Variants in CTSS observed in about 807,000 individuals in gnomAD.
The protein encoded by CTSS is cathepsin S.
A neutral mutation model predicts 39.9 loss-of-function variants in CTSS; 15 were observed. The ratio of observed to expected loss-of-function variants is 0.38; its 90% CI spans 0.25 to 0.58. CTSS has a LOEUF of 0.58. Among genes scored for constraint, CTSS ranks in the 20% least tolerant of loss-of-function variants. The pLI is 0.70. For missense variants in CTSS, 250 were observed against 398.2 expected (o/e 0.63, Z 3.17); for synonymous variants, 126 against 138.2 (o/e 0.91, Z 0.62).
At chr1:150,738,614 G>T (rs1652683322) in intron 7 of CTSS, among the ~76,000 whole-genome samples, 1 of 151,172 alleles carries the variant, frequency 6.6e-6, no homozygotes, top group African/African-American at 2.4e-5. Flanking sequence ...CTCCCAAGTA[G>T]CTGGGACCAC....
chr1:150,743,344 A>C (rs937790100), intron 7 of CTSS, among the ~76,000 whole-genome samples: 3 of 151,520 alleles, frequency 2.0e-5, no homozygotes, highest in Non-Finnish European at 1.5e-5. Context: ...GTGGAGGTTT[A>C]GGCTGTTAGG....
At chr1:150,741,886 G>T (rs587728102) in intron 7 of CTSS, among the ~76,000 whole-genome samples, 2 of 58,374 alleles carry the variant, frequency 3.4e-5, no homozygotes, top group Non-Finnish European at 1.2e-4. Flanking sequence ...AAAAAAAAAG[G>T]GGGGGGGAAG....
intron 7 of CTSS, among the ~76,000 whole-genome samples, chr1:150,735,456 G>A (rs1468294741): frequency 6.6e-6 from 1 of 152,052 alleles, no homozygotes; most frequent in Non-Finnish European, 1.5e-5. Flanking sequence ...ATTTTCATGA[G>A]CTCCTTTCTT....
At chr1:150,756,708 C>CTTTTTTTTTTTTTTTTTTT (rs72242218) in intron 3 of CTSS, among the ~76,000 whole-genome samples, 4 of 131,182 alleles carry the variant, frequency 3.0e-5, no homozygotes, top group Non-Finnish European at 6.4e-5. Flanking sequence ...TTCTTTCTTT[C>CTTTTTTTTTTTTTTTTTTT]TTTTTTTTTT....
At chr1:150,762,336 T>C (rs1197163639) in intron 2 of CTSS, among the ~76,000 whole-genome samples, 1 of 151,654 alleles carries the variant, frequency 6.6e-6, no homozygotes, top group Non-Finnish European at 1.5e-5. Flanking sequence ...TATAAGAAAA[T>C]ATAGGGGAAA....
intron 6 of CTSS, 141 bp downstream of exon 6, chr1:150,749,865 G>C (rs1057063556): frequency 1.6e-6 from 1 of 615,212 alleles, no homozygotes; most frequent in Non-Finnish European, 2.7e-6. Flanking sequence ...ATGTTGCTCA[G>C]GCTGGTGTCA....
chr1:150,740,511 C>G (rs1652726770), intron 7 of CTSS, among the ~76,000 whole-genome samples: 1 of 152,152 alleles, frequency 6.6e-6, no homozygotes, highest in South Asian at 2.1e-4. Context: ...CTGCCTCAGC[C>G]TCCCGAGTAG....
At chr1:150,760,285 G>A (rs184025414) in intron 2 of CTSS, among the ~76,000 whole-genome samples, 1 of 152,252 alleles carries the variant, frequency 6.6e-6, no homozygotes, top group Non-Finnish European at 1.5e-5. Flanking sequence ...TGCAGGAAAA[G>A]CATTTGACAG....
At chr1:150,748,562 T>C (rs1174719844) in intron 6 of CTSS, among the ~76,000 whole-genome samples, 1 of 152,150 alleles carries the variant, frequency 6.6e-6, no homozygotes, top group Non-Finnish European at 1.5e-5. Context: ...CTTTGCTTTA[T>C]TGTGCTTTGC....
In CTSS at chr1:150,759,129, C is replaced by G. The variant is rs117005649; in HGVS notation, c.127-1149G>C. 6.9e-3 allele frequency among the ~76,000 whole-genome samples: 1,054 copies of G among 151,768 alleles called. 37 individuals carry two copies. The highest frequency in any genetic ancestry group is 0.054 in the Admixed American group (822 of 15,216). On this transcript the variant is annotated intron_variant, in intron 2 of 7. Transcript: ENST00000368985. Reference sequence around the variant, plus strand: ...AAAGGATCCTTCCCCCTTGGCCTCCCAAAGTGCTGGGATTACAGGCATGAA... The same window carrying G: ...AAAGGATCCTTCCCCCTTGGCCTCCGAAAGTGCTGGGATTACAGGCATGAA...
rs1341416646 is a variant in CTSS, at chr1:150,732,889, G to GT, written c.*156dup. On this transcript the variant is annotated 3_prime_UTR_variant, in exon 8 of 8. Coordinates refer to ENST00000368985, the MANE Select transcript of CTSS (RefSeq NM_004079.5). ...CCTCCCAAGTACTGGGATTACAGGC[G>GT]TGAGCCACCGTGCCCGGCCTCAAAC... The GT allele has an allele frequency of 1.9e-6, 1 of 530,244 alleles. No individual in the cohort carries two copies. Among genetic ancestry groups the GT allele is most frequent in the Non-Finnish European group, 3.3e-6 (1 of 307,170 alleles). 32.8% of individuals were successfully genotyped at this position (530,244 alleles called of 1,614,324 possible). A position where few individuals can be genotyped will look rare whatever the true frequency, so the allele number is the denominator to read the frequency against.
intron 7 of CTSS, among the ~76,000 whole-genome samples, chr1:150,745,668 G>C (rs925432242): frequency 6.6e-6 from 1 of 151,858 alleles, no homozygotes; most frequent in Non-Finnish European, 1.5e-5. Context: ...TCTCAAAAAG[G>C]GGAAGAAAGT....
At chr1:150,754,758 T>A (rs1205017922) in intron 4 of CTSS, among the ~76,000 whole-genome samples, 2 of 152,138 alleles carry the variant, frequency 1.3e-5, no homozygotes. Context: ...ATATTTTTGA[T>A]CCACGGTTGG....
chr1:150,756,061 TA>T (rs1478277939), intron 3 of CTSS, among the ~76,000 whole-genome samples: 4 of 152,146 alleles, frequency 2.6e-5, no homozygotes, highest in African/African-American at 4.8e-5. Flanking sequence ...TTTTCTTCTT[TA>T]TCACCTTCTT....
At chr1:150,747,737 A>G (rs749790227) in intron 7 of CTSS, 40 bp downstream of exon 7, 1 of 1,374,812 alleles carries the variant, frequency 7.3e-7, no homozygotes, top group Non-Finnish European at 1.0e-6. Flanking sequence ...ACTCCCTCAA[A>G]TTCCTGATTC....
chr1:150,755,279 C>T, intron 3 of CTSS, 129 bp from the exon 4 acceptor site: 1 of 982,372 alleles, frequency 1.0e-6, no homozygotes, highest in Non-Finnish European at 1.5e-6. Flanking sequence ...AGCGTATTGG[C>T]TCCTACATAC....
At chr1:150,752,590 C>T (rs979210958) in intron 4 of CTSS, among the ~76,000 whole-genome samples, 6 of 152,056 alleles carry the variant, frequency 3.9e-5, no homozygotes, top group Non-Finnish European at 8.8e-5. Flanking sequence ...TTCTCTTTCT[C>T]TCTCCTTCCC....
chr1:150,747,914 A>C (rs1652921993), intron 6 of CTSS, 35 bp from the exon 7 acceptor site: 1 of 1,324,488 alleles, frequency 7.6e-7, no homozygotes, highest in South Asian at 1.2e-5. Context: ...AAAAGAGTGA[A>C]TACTATAGGA....
intron 7 of CTSS, among the ~76,000 whole-genome samples, chr1:150,743,195 T>C (rs1652803822): frequency 6.6e-6 from 1 of 152,038 alleles, no homozygotes; most frequent in South Asian, 2.1e-4. Context: ...GCAAAATGAA[T>C]CAAGATAGTG....
Sources: gnomAD v4.1 joint callset for allele counts (sites outside exome capture counted in the v4.1 genomes callset) on GRCh38, gnomAD v4.1.1 for gene constraint, MANE v1.5 for transcripts, NCBI Gene and HGNC (gene_info 2026-07-23, HGNC 2026-07-21) for gene names.